Variants in DMBT1 observed in about 807,000 individuals in gnomAD.
DMBT1 encodes scavenger receptor cysteine-rich domain-containing protein DMBT1.
In DMBT1, 198 loss-of-function variants were observed where a neutral mutation model predicts 252.9. That is an observed-to-expected ratio of 0.78 (90% CI 0.70 to 0.88). The LOEUF is 0.88. DMBT1 is among the 40% of genes least tolerant of loss of function. DMBT1 has a pLI of 0.00. For synonymous variants in DMBT1, 990 were observed against 942.7 expected, an observed-to-expected ratio of 1.05 and a Z score of -0.92; for missense variants, 2,432 against 2,404.7, an observed-to-expected ratio of 1.01 and a Z score of -0.24.
rs1844310190 is a variant in DMBT1 at position 122,640,427 on chromosome 10, A to G, written c.7330A>G (p.Thr2444Ala). ...SPYSNDFTSL[T>A]YDLIRSGCVR... ...ATACTCCAATGACTTCACGTCTTTGACTTATGATCTAATCCGGAGTGGGTA... is the reference window on the plus strand; with the variant it reads ...ATACTCCAATGACTTCACGTCTTTGGCTTATGATCTAATCCGGAGTGGGTA... Residue 2444 changes from threonine to alanine, a missense_variant, in exon 55 of 56, where the codon ACT (threonine) becomes GCT (alanine). Thr to Ala is a moderately conservative substitution (Grantham distance 58). Coordinates refer to ENST00000338354, the MANE Select transcript of DMBT1 (RefSeq NM_001377530.1). 2 of 1,613,486 alleles carry G rather than the reference A, an allele frequency of 1.2e-6. No homozygotes were observed. The highest frequency in any genetic ancestry group is 1.1e-5 in the South Asian group (1 of 91,044).
Position 122,572,471 on chromosome 10 carries a change from C to T in DMBT1, c.235+110C>T, listed in dbSNP as rs577783107. The T allele has an allele frequency of 1.7e-5, 24 of 1,438,242 alleles. No homozygotes were observed. In the South Asian group the frequency reaches 2.5e-4, roughly 15 times the overall value. The allele number at this position is 1,438,242 out of a possible 1,614,324, so 89.1% of individuals were successfully genotyped here. ...GACATAGAAAGTAGTGTGCTGGCGT[C>T]AGGTGCTCAGGTAGTGTGGATATCA... is the stretch of plus-strand genomic sequence containing the variant. On this transcript the variant is annotated intron_variant, in intron 5 of 55. Coordinates refer to ENST00000338354, the MANE Select transcript of DMBT1 (RefSeq NM_001377530.1).
In DMBT1 at chr10:122,592,213, T is replaced by A. The variant is rs1325159004; in HGVS notation, c.2177-59T>A. ...TAGGAAGTACCCTGAGTGTGGAACG[T>A]GCCTTAGATCCTTACCTCATGGTAG... On this transcript the variant is annotated intron_variant, in intron 19 of 55. Coordinates refer to ENST00000338354, the MANE Select transcript of DMBT1 (RefSeq NM_001377530.1). 2.1e-5 allele frequency: 33 copies of A among 1,569,580 alleles called. 7 individuals carry two copies. The South Asian group carries it at 3.5e-4, about 17-fold the overall frequency.
At chr10:122,573,564 A>C in intron 5 of DMBT1, 151 bp from the exon 6 acceptor site, 2 of 964,646 alleles carry the variant, frequency 2.1e-6, no homozygotes, top group Non-Finnish European at 3.3e-6. Flanking sequence ...GTACAATGAC[A>C]AAGCGATTGG....
At chr10:122,625,120 G>A (rs1191628446) in intron 44 of DMBT1, among the ~76,000 whole-genome samples, 157 bp from the exon 45 acceptor site, 4 of 152,084 alleles carry the variant, frequency 2.6e-5, no homozygotes, top group Non-Finnish European at 2.9e-5. Flanking sequence ...ATCTTTTTTT[G>A]AGACTAACCG....
At chr10:122,620,104 T>C in intron 42 of DMBT1, 149 bp from the exon 43 acceptor site, 13 of 800,290 alleles carry the variant, frequency 1.6e-5, no homozygotes, top group Non-Finnish European at 2.8e-5. Flanking sequence ...CTGTGCTCAC[T>C]GAGCTGAAGA....
chr10:122,618,154 A>G lies in DMBT1; in HGVS notation c.5029A>G (p.Arg1677Gly). Residue 1677 changes from arginine to glycine, a missense_variant, in exon 41 of 56, where the codon AGG (arginine) becomes GGG (glycine). This residue lies in a region of DMBT1 where 1,162 missense variants were observed against 1,169.0 expected (regional missense o/e 0.99). Coordinates refer to ENST00000338354, the MANE Select transcript of DMBT1 (RefSeq NM_001377530.1). ...WDTNDANVVC[R>G]QLGCGWAMSA... ...CACCAATGATGCCAACGTGGTCTGC[A>G]GGCAGCTGGGCTGTGGCTGGGCCAT... The G allele has an allele frequency of 6.2e-7, 1 of 1,613,972 alleles. No homozygotes were observed. The highest frequency in any genetic ancestry group is 8.5e-7 in the Non-Finnish European group (1 of 1,179,880).
chr10:122,584,747 G>A (rs12783473), intron 14 of DMBT1, among the ~76,000 whole-genome samples: 12,308 of 148,648 alleles, frequency 0.083, 1,336 homozygotes, highest in South Asian at 0.16. Flanking sequence ...CTGCCGCCAT[G>A]GGCAAGCAAT....
chr10:122,565,313 C>A (rs903098025), intron 1 of DMBT1, among the ~76,000 whole-genome samples: 8 of 151,830 alleles, frequency 5.3e-5, no homozygotes, highest in African/African-American at 1.9e-4. Flanking sequence ...GAGTTTTATC[C>A]TTTTTTTTAA....
chr10:122,636,372 C>T (rs892012485), intron 53 of DMBT1, among the ~76,000 whole-genome samples, 173 bp downstream of exon 53: 2 of 152,202 alleles, frequency 1.3e-5, no homozygotes, highest in African/African-American at 4.8e-5. Flanking sequence ...TCTGGCTGCC[C>T]AGAAATAAAG....
chr10:122,632,942 C>T, intron 51 of DMBT1, 52 bp downstream of exon 51: 1 of 1,610,818 alleles, frequency 6.2e-7, no homozygotes, highest in South Asian at 1.1e-5. Context: ...TGGAAATTCC[C>T]CTTCCCATTT....
intron 53 of DMBT1, among the ~76,000 whole-genome samples, chr10:122,636,798 T>A (rs1397158170): frequency 1.3e-5 from 2 of 152,238 alleles, no homozygotes; most frequent in African/African-American, 4.8e-5. Context: ...TTTCATGACA[T>A]TCCCACAATT....
At chr10:122,624,910 C>G (rs764255069) in intron 44 of DMBT1, among the ~76,000 whole-genome samples, 1 of 152,218 alleles carries the variant, frequency 6.6e-6, no homozygotes, top group Non-Finnish European at 1.5e-5. Context: ...CAAGGCTTCT[C>G]TTTGCACTGG....
intron 44 of DMBT1, among the ~76,000 whole-genome samples, chr10:122,623,225 T>A (rs1048049656): frequency 1.8e-4 from 28 of 152,224 alleles, no homozygotes; most frequent in African/African-American, 6.3e-4. Flanking sequence ...TATTTTAGCA[T>A]GTGTCAGAAC....
Position 122,620,282 on chromosome 10 carries a change from T to C in DMBT1, c.5275T>C (p.Leu1759=), listed in dbSNP as rs1591480231. 1.2e-6 allele frequency: 2 copies of C among 1,614,038 alleles called. No homozygotes were observed. The highest frequency in any genetic ancestry group is 2.2e-5 in the East Asian group (1 of 44,878). Residue 1759 remains leucine (L), a synonymous_variant, in exon 43 of 56, where the codon TTG becomes CTG. Coordinates refer to ENST00000338354, the MANE Select transcript of DMBT1 (RefSeq NM_001377530.1). ...TTGGCTGACCACCAACTTACCGGCATTGACAGTAGGTAAATAATCCTCTCG... is the reference window on the plus strand; with the variant it reads ...TTGGCTGACCACCAACTTACCGGCACTGACAGTAGGTAAATAATCCTCTCG... ...DTWLTTNLPA[L]TVGSESSLAL... is the part of the protein sequence containing the mutation.
Position 122,633,296 on chromosome 10 carries a change from A to G in DMBT1, c.6503A>G (p.Glu2168Gly). The G allele has an allele frequency of 6.2e-7, 1 of 1,614,006 alleles. No individual in the cohort carries two copies. Among genetic ancestry groups the G allele is most frequent in the Admixed American group, 1.7e-5 (1 of 60,022 alleles). ...PNNAKCVWDI[E>G]VQNNYRVTVI... ...AATGCCAAGTGTGTGTGGGACATTGAGGTGCAAAACAACTACCGTGTGACT... is the reference window on the plus strand; with the variant it reads ...AATGCCAAGTGTGTGTGGGACATTGGGGTGCAAAACAACTACCGTGTGACT... Residue 2168 changes from glutamate (E) to glycine (G), a missense_variant, in exon 52 of 56, where the codon GAG (glutamate) becomes GGG (glycine). Glu to Gly is a moderately conservative substitution (Grantham distance 98). Transcript: ENST00000338354.
intron 51 of DMBT1, 110 bp downstream of exon 51, chr10:122,633,000 T>G: frequency 1.9e-6 from 3 of 1,555,972 alleles, no homozygotes; most frequent in Non-Finnish European, 2.6e-6. Flanking sequence ...CCCAAAGTGG[T>G]CTCCCTGCAA....
Position 122,601,043 on chromosome 10 carries a change from C to A in DMBT1, c.3343+20C>A, listed in dbSNP as rs776840192. On this transcript the variant is annotated intron_variant, in intron 28 of 55. Coordinates refer to ENST00000338354, the MANE Select transcript of DMBT1 (RefSeq NM_001377530.1). ...CAGCAGGTAAATAATCCTCTCACCC[C>A]TCCCTAGGGCTCACTGTCTCTGGAC... is the stretch of plus-strand genomic sequence containing the variant. The A allele has an allele frequency of 2.4e-6, 2 of 836,404 alleles. No individual in the cohort carries two copies. The highest frequency in any genetic ancestry group is 5.0e-5 in the East Asian group (2 of 39,858). The allele number at this position is 836,404 out of a possible 1,614,324, so 51.8% of individuals were successfully genotyped here.
chr10:122,573,211 G>C (rs937099305), intron 5 of DMBT1, among the ~76,000 whole-genome samples: 1 of 152,226 alleles, frequency 6.6e-6, no homozygotes, highest in Non-Finnish European at 1.5e-5. Flanking sequence ...CAACCACCAA[G>C]TGGGACTGGG....
Position 122,592,291 on chromosome 10 carries a change from C to T in DMBT1, c.2196C>T (p.Thr732=). The change falls in exon 20 of 56, where the codon ACC becomes ACT. Residue 732 remains threonine (T), a synonymous_variant. Transcript: ENST00000338354. ...PSTVGSESSL[T]LRLVNGSDRC... is the part of the protein sequence containing the mutation. ...CTGTAGGATCTGAATCCAGTTTGACCCTGAGGCTGGTGAATGGAAGTGACA... is the reference window on the plus strand; with the variant it reads ...CTGTAGGATCTGAATCCAGTTTGACTCTGAGGCTGGTGAATGGAAGTGACA... The T allele has an allele frequency of 1.9e-6, 3 of 1,587,198 alleles. No individual in the cohort carries two copies. The highest frequency in any genetic ancestry group is 2.6e-6 in the Non-Finnish European group (3 of 1,165,578).
Sources: gnomAD v4.1 joint callset for allele counts (sites outside exome capture counted in the v4.1 genomes callset) on GRCh38, gnomAD v4.1.1 for gene constraint, gnomAD v4.1.1 regional missense constraint, MANE v1.5 for transcripts, NCBI Gene and HGNC (gene_info 2026-07-23, HGNC 2026-07-21) for gene names.